The following PAPOLA variants were observed in gnomAD, a reference collection of about 807,000 sequenced individuals.
PAPOLA encodes poly(A) polymerase alpha.
PAPOLA carries 15 observed loss-of-function variants against 100.6 expected under a neutral mutation model. That is an observed-to-expected ratio of 0.15 (90% CI 0.10 to 0.23). The LOEUF is 0.23. Ranked by LOEUF, PAPOLA falls within the 10% of genes least tolerant of loss-of-function variation. The pLI is 1.00. For synonymous variants in PAPOLA, 293 were observed against 300.0 expected (o/e 0.98, Z 0.24); for missense variants, 533 against 884.2 (o/e 0.60, Z 5.04).
intron 1 of PAPOLA, among the ~76,000 whole-genome samples, chr14:96,508,266 T>C (rs1896870953): frequency 6.6e-6 from 1 of 152,198 alleles, no homozygotes; most frequent in South Asian, 2.1e-4. Context: ...TTTTTGTTGT[T>C]GTCAGTGAAA....
intron 9 of PAPOLA, chr14:96,534,008 G>A: frequency 2.0e-6 from 2 of 986,686 alleles, no homozygotes; most frequent in Non-Finnish European, 2.4e-6. Context: ...ATGTGGTTAT[G>A]CCACCAAGTT....
chr14:96,532,125 A>C, intron 7 of PAPOLA: 1 of 1,369,802 alleles, frequency 7.3e-7, no homozygotes, highest in Non-Finnish European at 9.3e-7. Flanking sequence ...AATAGGAGAT[A>C]AATGCTTTAG....
chr14:96,529,138 ATAT>A (rs1318000069), intron 6 of PAPOLA, among the ~76,000 whole-genome samples: 2 of 152,186 alleles, frequency 1.3e-5, no homozygotes, highest in Non-Finnish European at 2.9e-5. Context: ...TAGGAACATA[ATAT>A]TTTAGGAAAT....
chr14:96,510,200 A>G (rs2140230207), intron 1 of PAPOLA, among the ~76,000 whole-genome samples: 3 of 152,228 alleles, frequency 2.0e-5, no homozygotes, highest in Middle Eastern at 6.8e-3. Flanking sequence ...GAGGTTGATC[A>G]AGAATAGTGT....
At chr14:96,515,947 G>A (rs145784689) in intron 1 of PAPOLA, among the ~76,000 whole-genome samples, 1 of 152,198 alleles carries the variant, frequency 6.6e-6, no homozygotes, top group African/African-American at 2.4e-5. Flanking sequence ...TCTGGTGTAT[G>A]GTTCCAGGAG....
chr14:96,533,360 A>G, intron 9 of PAPOLA: 2 of 982,306 alleles, frequency 2.0e-6, no homozygotes, highest in South Asian at 4.7e-5. Flanking sequence ...CCTCTGCAAA[A>G]GAGATGTTCT....
intron 1 of PAPOLA, among the ~76,000 whole-genome samples, chr14:96,516,405 C>T (rs1897468363): frequency 6.6e-6 from 1 of 151,600 alleles, no homozygotes; most frequent in Admixed American, 6.6e-5. Flanking sequence ...TCCCTCCCTC[C>T]CTCCTGGGCT....
Position 96,516,351 on chromosome 14 carries a change from CCCCT to C in PAPOLA, c.9-3694_9-3691del, listed in dbSNP as rs547721759. Among the ~76,000 whole-genome samples the C allele has an allele frequency of 1.1e-4, 16 of 150,962 alleles. 1 individual carries two copies. In the East Asian group the frequency reaches 1.6e-3, roughly 15 times the overall value. ...TTTCTTTCTTTCCTTCCCTTTCCTT[CCCCT>C]CCCTCCCTCATTCTCTCCCTCTCTT... On this transcript the variant is annotated intron_variant, in intron 1 of 21. Coordinates refer to ENST00000216277, the MANE Select transcript of PAPOLA (RefSeq NM_032632.5).
At chr14:96,560,249 A>G (rs187813453) in intron 19 of PAPOLA, among the ~76,000 whole-genome samples, 3 of 152,152 alleles carry the variant, frequency 2.0e-5, no homozygotes, top group Non-Finnish European at 4.4e-5. Flanking sequence ...TCTTGATAGA[A>G]TTTATTAGAA....
intron 1 of PAPOLA, among the ~76,000 whole-genome samples, chr14:96,508,122 T>G (rs1202019749): frequency 6.6e-6 from 1 of 152,164 alleles, no homozygotes; most frequent in Non-Finnish European, 1.5e-5. Flanking sequence ...GTGATCTGCC[T>G]GCCTTGGCCT....
chr14:96,532,506 A>G lies in PAPOLA; in HGVS notation c.698-5A>G. 1 of 1,606,120 alleles carries G rather than the reference A, an allele frequency of 6.2e-7. No individual in the cohort carries two copies. Among genetic ancestry groups the G allele is most frequent in the Non-Finnish European group, 8.5e-7 (1 of 1,177,692 alleles). Reference sequence around the variant, plus strand: ...CTTATCTTTTTGCTTTTCCCTTATCAACAGGCCACAACATCTATTCCAATA... The same window carrying G: ...CTTATCTTTTTGCTTTTCCCTTATCGACAGGCCACAACATCTATTCCAATA... On this transcript the variant is annotated splice_polypyrimidine_tract_variant and splice_region_variant and intron_variant, in intron 8 of 21. Coordinates refer to ENST00000216277, the MANE Select transcript of PAPOLA (RefSeq NM_032632.5).
rs978834868 is a variant in PAPOLA, at chr14:96,542,007, A to G, written c.1116-236A>G. ...ATGCTTATTTATGCTTCTTGAATTA[A>G]GCTGCTTTTTGGTAATTATTCATAA... On this transcript the variant is annotated intron_variant, in intron 12 of 21. Coordinates refer to ENST00000216277, the MANE Select transcript of PAPOLA (RefSeq NM_032632.5). 2.9e-5 allele frequency: 9 copies of G among 308,586 alleles called. No individual in the cohort carries two copies. The East Asian group carries it at 4.9e-4, about 17-fold the overall frequency. 19.1% of individuals were successfully genotyped at this position (308,586 alleles called of 1,614,324 possible).
chr14:96,555,556 A>T (rs928890270), intron 17 of PAPOLA, among the ~76,000 whole-genome samples: 18 of 152,154 alleles, frequency 1.2e-4, no homozygotes, highest in Non-Finnish European at 2.5e-4. Context: ...TTTTAAGTGC[A>T]GAGTAGCTAT....
intron 6 of PAPOLA, among the ~76,000 whole-genome samples, chr14:96,529,363 A>AT (rs780829120): frequency 9.2e-5 from 14 of 151,458 alleles, no homozygotes; most frequent in Middle Eastern, 3.4e-3. Flanking sequence ...TAACAGTACA[A>AT]TTTTTTTTCT....
At chr14:96,558,568 TTTTAAACTTAAGTATGGAAAA>T (rs1455834122) in intron 19 of PAPOLA, among the ~76,000 whole-genome samples, 1 of 152,106 alleles carries the variant, frequency 6.6e-6, no homozygotes, top group African/African-American at 2.4e-5. Context: ...AATATAGAAT[TTTTAAACTTAAGTATGGAAAA>T]TTAAAAATAC....
intron 6 of PAPOLA, among the ~76,000 whole-genome samples, chr14:96,529,996 A>G (rs1898854475): frequency 6.6e-6 from 1 of 152,232 alleles, no homozygotes; most frequent in Admixed American, 6.5e-5. Flanking sequence ...ATACTGTAGT[A>G]TTACAGACAT....
intron 1 of PAPOLA, 172 bp downstream of exon 1, chr14:96,502,772 TC>T (rs3831196): frequency 0.7 from 431,223 of 617,366 alleles, 154,690 homozygotes; most frequent in African/African-American, 0.94. Flanking sequence ...CCGCCGCACT[TC>T]CCCCCGTGTG....
At chr14:96,560,972 T>C (rs2140338273) in intron 20 of PAPOLA, among the ~76,000 whole-genome samples, 1 of 152,282 alleles carries the variant, frequency 6.6e-6, no homozygotes, top group Non-Finnish European at 1.5e-5. Flanking sequence ...GAAAAAGTAA[T>C]TGAGGGCTGG....
At chr14:96,543,180 C>T (rs1483101546) in intron 14 of PAPOLA, among the ~76,000 whole-genome samples, 1 of 152,016 alleles carries the variant, frequency 6.6e-6, no homozygotes, top group African/African-American at 2.4e-5. Context: ...CTGTCTTTAC[C>T]ATTCCTTCTT....
Sources: gnomAD v4.1 joint callset for allele counts (sites outside exome capture counted in the v4.1 genomes callset) on GRCh38, gnomAD v4.1.1 for gene constraint, MANE v1.5 for transcripts, NCBI Gene and HGNC (gene_info 2026-07-23, HGNC 2026-07-21) for gene names.